COL8A1: variants seen among roughly 807,000 people sequenced by gnomAD.
COL8A1 encodes collagen type VIII alpha 1 chain.
Under a neutral mutation model 42.7 loss-of-function variants are expected in COL8A1, and 21 were observed. The observed-to-expected ratio is 0.49, with a 90% CI of 0.35 to 0.71. The LOEUF is 0.71. COL8A1 is among the 30% of genes least tolerant of loss of function. The probability of loss-of-function intolerance (pLI) is 0.01; values close to 1 mark genes in which losing one functional copy is unlikely to be tolerated. For synonymous variants in COL8A1, 367 were observed against 369.1 expected (o/e 0.99, Z 0.06); for missense variants, 788 against 962.4 (o/e 0.82, Z 2.40).
intron 1 of COL8A1, among the ~76,000 whole-genome samples, chr3:99,683,337 A>G (rs1394777620): frequency 6.6e-6 from 1 of 152,202 alleles, no homozygotes; most frequent in Non-Finnish European, 1.5e-5. Context: ...AGAATGATTG[A>G]ATAAAAAATA....
At chr3:99,793,574 A>G (rs546572115) in intron 3 of COL8A1, among the ~76,000 whole-genome samples, 30 of 152,302 alleles carry the variant, frequency 2.0e-4, no homozygotes, top group Non-Finnish European at 3.7e-4. Context: ...CAAATTCACT[A>G]TAATAAACAC....
intron 1 of COL8A1, among the ~76,000 whole-genome samples, chr3:99,672,337 T>A (rs1173071166): frequency 6.6e-6 from 1 of 152,018 alleles, no homozygotes; most frequent in Non-Finnish European, 1.5e-5. Context: ...GGTACTTCCA[T>A]GTCAATTGGA....
At chr3:99,695,037 A>G (rs1939328929) in intron 1 of COL8A1, among the ~76,000 whole-genome samples, 2 of 152,170 alleles carry the variant, frequency 1.3e-5, no homozygotes, top group Admixed American at 1.3e-4. Context: ...CAATCCAACC[A>G]AATAATAAAT....
chr3:99,706,776 G>C (rs1939690183), intron 1 of COL8A1, among the ~76,000 whole-genome samples: 1 of 152,114 alleles, frequency 6.6e-6, no homozygotes, highest in Non-Finnish European at 1.5e-5. Flanking sequence ...GTAGATTTTA[G>C]TAACTACTTA....
chr3:99,794,262 G>C lies in COL8A1; in HGVS notation c.361G>C (p.Gly121Arg). The change falls in exon 4 of 4, where the codon GGT becomes CGT. Residue 121 changes from glycine (G) to arginine (R), a missense_variant. By Grantham distance (125) the Gly-to-Arg change is moderately radical. Coordinates refer to ENST00000652472, the MANE Select transcript of COL8A1 (RefSeq NM_020351.4). This position sits in a 1 kb window ranked among gnomAD's most constrained non-coding sequence, Gnocchi z 4.3. ...IPLASLRGEQ[G>R]PRGEPGPRGP... ...ATTAGCCAGTTTACGAGGGGAACAA[G>C]GTCCCCGTGGAGAGCCTGGCCCAAG... 6.2e-7 allele frequency: 1 copy of C among 1,601,000 alleles called. No homozygotes were observed. Among genetic ancestry groups the C allele is most frequent in the Non-Finnish European group, 8.5e-7 (1 of 1,174,416 alleles).
At chr3:99,697,067 A>G (rs1576435593) in intron 1 of COL8A1, among the ~76,000 whole-genome samples, 1 of 138,460 alleles carries the variant, frequency 7.2e-6, no homozygotes, top group East Asian at 2.2e-4. Context: ...GCTCACTGCA[A>G]GCTCCGCCTC....
At chr3:99,710,033 C>T (rs1163227800) in intron 1 of COL8A1, among the ~76,000 whole-genome samples, 2 of 152,150 alleles carry the variant, frequency 1.3e-5, no homozygotes, top group Non-Finnish European at 2.9e-5. Flanking sequence ...ATTTTTTAAA[C>T]CATACACTCA....
At chr3:99,779,464 A>C (rs1470771188) in intron 2 of COL8A1, among the ~76,000 whole-genome samples, 1 of 152,214 alleles carries the variant, frequency 6.6e-6, no homozygotes, top group African/African-American at 2.4e-5. Flanking sequence ...CCACAAGGGC[A>C]ACCTGCTGCT....
At chr3:99,765,195 A>G (rs1941439509) in intron 2 of COL8A1, among the ~76,000 whole-genome samples, 1 of 152,198 alleles carries the variant, frequency 6.6e-6, no homozygotes, top group African/African-American at 2.4e-5. Context: ...TATCAACATT[A>G]TCAGCTGATT....
At chr3:99,787,857 T>TACACAC (rs76817799) in intron 2 of COL8A1, among the ~76,000 whole-genome samples, 19,212 of 148,816 alleles carry the variant, frequency 0.13, 1,789 homozygotes, top group African/African-American at 0.26. Flanking sequence ...AGAACACAAA[T>TACACAC]ACACACACAC....
chr3:99,687,074 A>G (rs1165748920), intron 1 of COL8A1, among the ~76,000 whole-genome samples: 3 of 151,700 alleles, frequency 2.0e-5, no homozygotes, highest in African/African-American at 7.3e-5. Context: ...GAACTCCTGC[A>G]CTCAAGCGAT....
intron 2 of COL8A1, among the ~76,000 whole-genome samples, chr3:99,769,086 A>G (rs533944815): frequency 3.9e-5 from 6 of 152,342 alleles, no homozygotes; most frequent in African/African-American, 1.2e-4. Context: ...CTGAAATCCT[A>G]GCTCTGTCAA....
chr3:99,728,032 G>A (rs13099524), intron 1 of COL8A1, among the ~76,000 whole-genome samples: 28,546 of 144,664 alleles, frequency 0.2, 3,390 homozygotes, highest in African/African-American at 0.31. Context: ...CACAGCCAAT[G>A]TCATACTGAA....
In COL8A1 at chr3:99,744,198, G is replaced by A. The variant is rs556336337; in HGVS notation, c.-128-699G>A. Among the ~76,000 whole-genome samples, 106 of 152,242 alleles carry A rather than the reference G, an allele frequency of 7.0e-4. 1 individual carries two copies. Among genetic ancestry groups the A allele is most frequent in the Middle Eastern group, 6.8e-3 (2 of 294 alleles). ...ACCTGCCTCGGCCTCCCAAAGTGCTGGGATTACAGGCGTCAGCCACCGTGC... is the reference window on the plus strand; with the variant it reads ...ACCTGCCTCGGCCTCCCAAAGTGCTAGGATTACAGGCGTCAGCCACCGTGC... On this transcript the variant is annotated intron_variant, in intron 1 of 3. Transcript: ENST00000652472.
At chr3:99,756,892 C>A (rs1941264485) in intron 2 of COL8A1, among the ~76,000 whole-genome samples, 1 of 152,202 alleles carries the variant, frequency 6.6e-6, no homozygotes, top group African/African-American at 2.4e-5. Flanking sequence ...ACTGAAGGAT[C>A]ACTAAATTCC....
chr3:99,649,432 A>T lies in COL8A1; in HGVS notation c.-129+10768A>T, dbSNP rs547238975. The stretch of plus-strand genomic sequence containing the variant: ...TAAAATAAGTTGACGGTGAATAAAG[A>T]TTTTAATTGTGCTACTCTCTGTCCC... On this transcript the variant is annotated intron_variant, in intron 1 of 3. Coordinates refer to ENST00000652472, the MANE Select transcript of COL8A1 (RefSeq NM_020351.4). Among the ~76,000 whole-genome samples the T allele has an allele frequency of 1.9e-3, 285 of 152,290 alleles. 4 individuals carry two copies. The highest frequency in any genetic ancestry group is 0.015 in the Admixed American group (225 of 15,290).
At chr3:99,739,044 G>A (rs565157055) in intron 1 of COL8A1, among the ~76,000 whole-genome samples, 293 of 152,276 alleles carry the variant, frequency 1.9e-3, no homozygotes, top group African/African-American at 6.8e-3. Flanking sequence ...CTGACCCCTT[G>A]CGCTTCCCAA....
intron 1 of COL8A1, among the ~76,000 whole-genome samples, chr3:99,664,489 A>T (rs549132211): frequency 7.0e-4 from 106 of 152,198 alleles, no homozygotes; most frequent in Non-Finnish European, 1.3e-3. Flanking sequence ...TAATAAAAAA[A>T]AAATAAAATA....
At chr3:99,708,511 G>A (rs1046322269) in intron 1 of COL8A1, among the ~76,000 whole-genome samples, 4 of 151,852 alleles carry the variant, frequency 2.6e-5, no homozygotes, top group Non-Finnish European at 4.4e-5. Context: ...CCTTCCACCC[G>A]AGGCTGGAGC....
Sources: gnomAD v4.1 joint callset for allele counts (sites outside exome capture counted in the v4.1 genomes callset) on GRCh38, gnomAD v4.1.1 for gene constraint, Gnocchi (gnomAD v3.1) non-coding constraint, MANE v1.5 for transcripts, NCBI Gene and HGNC (gene_info 2026-07-23, HGNC 2026-07-21) for gene names.